DNHD1: variants seen among roughly 807,000 people sequenced by gnomAD.
DNHD1 encodes the protein dynein heavy chain domain 1, also known as dynein heavy chain domain-containing protein 1.
DNHD1 carries 383 observed loss-of-function variants against 458.1 expected under a neutral mutation model. The observed-to-expected ratio is 0.84, with a 90% CI of 0.77 to 0.91. The LOEUF (loss-of-function observed/expected upper bound fraction) is 0.91, where lower values mean the gene tolerates loss of function less well. Ranked by LOEUF, DNHD1 falls within the 40% of genes least tolerant of loss-of-function variation. DNHD1 has a pLI of 0.00. For synonymous variants in DNHD1, 2,203 were observed against 2,376.9 expected (o/e 0.93, Z 2.13); for missense variants, 5,336 against 5,866.1 (o/e 0.91, Z 2.95).
At chr11:6,540,137 A>G in intron 18 of DNHD1, 54 bp downstream of exon 18, 1 of 1,456,210 alleles carries the variant, frequency 6.9e-7, no homozygotes, top group Non-Finnish European at 9.4e-7. Flanking sequence ...GGCCATTTTC[A>G]TCCACCATAT....
chr11:6,527,188 G>A (rs1852726697), intron 10 of DNHD1, among the ~76,000 whole-genome samples: 1 of 152,136 alleles, frequency 6.6e-6, no homozygotes, highest in South Asian at 2.1e-4. Flanking sequence ...AATCCCTTCT[G>A]GCATTTTTTT....
intron 32 of DNHD1, 22 bp from the exon 33 acceptor site, chr11:6,565,673 C>T: frequency 6.5e-7 from 1 of 1,530,830 alleles, no homozygotes; most frequent in Non-Finnish European, 8.8e-7. Flanking sequence ...AAGAAGAGCT[C>T]CTCTGAATCT....
chr11:6,549,084 T>G, intron 24 of DNHD1, 151 bp downstream of exon 24: 1 of 845,214 alleles, frequency 1.2e-6, no homozygotes, highest in Non-Finnish European at 1.8e-6. Context: ...ATATGCTCCC[T>G]GAACAATCCC....
Position 6,556,772 on chromosome 11 carries a change from A to G in DNHD1, c.7477A>G (p.Thr2493Ala), listed in dbSNP as rs1020572977. Residue 2493 changes from threonine (T) to alanine (A), a missense_variant, in exon 25 of 43, where the codon ACG (threonine) becomes GCG (alanine). Coordinates refer to ENST00000254579, the MANE Select transcript of DNHD1 (RefSeq NM_144666.3). Reference sequence around the variant, plus strand: ...TGCCCACAGCACCTTGGAACTGCAGACGCTGCAGCCTACAGTCAACTTCCT... The same window carrying G: ...TGCCCACAGCACCTTGGAACTGCAGGCGCTGCAGCCTACAGTCAACTTCCT... ...VYAHSTLELQTLQPTVNFLAT... is the reference protein window; with the variant it reads ...VYAHSTLELQALQPTVNFLAT... The G allele has an allele frequency of 5.7e-5, 88 of 1,551,612 alleles. No individual in the cohort carries two copies. Among genetic ancestry groups the G allele is most frequent in the East Asian group, 9.8e-5 (4 of 40,914 alleles).
At chr11:6,501,954 A>T (rs2134364255) in intron 3 of DNHD1, among the ~76,000 whole-genome samples, 1 of 152,346 alleles carries the variant, frequency 6.6e-6, no homozygotes, top group South Asian at 2.1e-4. Context: ...TTGCACTGTT[A>T]TCCCTGGGGA....
intron 10 of DNHD1, chr11:6,520,904 A>T: frequency 1.1e-6 from 1 of 898,220 alleles, no homozygotes; most frequent in Non-Finnish European, 1.3e-6. Context: ...TTCCTCATTC[A>T]ACTTCTATCT....
chr11:6,571,631 C>A lies in DNHD1; in HGVS notation c.13912-5C>A. Reference sequence around the variant, plus strand: ...CCTTGCCTGACCAGCTTCTGACGCCCCCAGGTGGAGAATGGTCCAAATCCC... The same window carrying A: ...CCTTGCCTGACCAGCTTCTGACGCCACCAGGTGGAGAATGGTCCAAATCCC... On this transcript the variant is annotated splice_polypyrimidine_tract_variant and splice_region_variant and intron_variant, in intron 42 of 42. Coordinates refer to ENST00000254579, the MANE Select transcript of DNHD1 (RefSeq NM_144666.3). This position sits in a 1 kb window ranked among gnomAD's most constrained non-coding sequence, Gnocchi z 5.0. The A allele has an allele frequency of 6.4e-7, 1 of 1,561,472 alleles. No individual in the cohort carries two copies. Among genetic ancestry groups the A allele is most frequent in the East Asian group, 2.3e-5 (1 of 43,184 alleles).
Position 6,545,119 on chromosome 11 carries a change from G to T in DNHD1, c.4180G>T (p.Val1394Leu). 1 of 1,552,150 alleles carries T rather than the reference G, an allele frequency of 6.4e-7. No individual in the cohort carries two copies. Among genetic ancestry groups the T allele is most frequent in the East Asian group, 2.4e-5 (1 of 40,924 alleles). Residue 1394 changes from valine (V) to leucine (L), a missense_variant, in exon 21 of 43, where the codon GTG becomes TTG. Physicochemically the swap from Val to Leu is conservative, Grantham distance 32. This residue lies in a region of DNHD1 where 3,932 missense variants were observed against 4,365.6 expected (regional missense o/e 0.90). Transcript: ENST00000254579. The surrounding 1 kb of genome is among the most constrained non-coding windows in gnomAD (Gnocchi z 4.9). Reference sequence around the variant, plus strand: ...ACGCTGCTTTCCTCATGTGCATGCTGTGAGCTTCAGGTCTTGCCCAACTGG... The same window carrying T: ...ACGCTGCTTTCCTCATGTGCATGCTTTGAGCTTCAGGTCTTGCCCAACTGG... ...VRRCFPHVHA[V>L]SFRSCPTGEK...
chr11:6,543,958 C>CAAAAAAAAAA (rs34739231), intron 18 of DNHD1, among the ~76,000 whole-genome samples, 163 bp from the exon 19 acceptor site: 1 of 74,000 alleles, frequency 1.4e-5, no homozygotes, highest in Non-Finnish European at 2.3e-5. Context: ...GACTCTGTCT[C>CAAAAAAAAAA]AAAAAAAAAA....
At position 6,530,349 on chromosome 11, in the gene DNHD1, T is replaced by G. The variant is rs970521247; in HGVS notation, c.2347+1228T>G. On this transcript the variant is annotated intron_variant, in intron 12 of 42. Coordinates refer to ENST00000254579, the MANE Select transcript of DNHD1 (RefSeq NM_144666.3). The stretch of plus-strand genomic sequence containing the variant: ...TGGCTTATGACCTAGTCTTTTACCC[T>G]CTTTTCTTTCTTCCTTCCCATGGGA... Among the ~76,000 whole-genome samples, 7 of 152,288 alleles carry G rather than the reference T, an allele frequency of 4.6e-5. No individual in the cohort carries two copies. In the East Asian group the frequency reaches 1.4e-3, roughly 29 times the overall value.
rs528077144 is a variant in DNHD1 at position 6,545,984 on chromosome 11, G to A, written c.5045G>A (p.Cys1682Tyr). 2 of 1,551,792 alleles carry A rather than the reference G, an allele frequency of 1.3e-6. No individual in the cohort carries two copies. Among genetic ancestry groups the A allele is most frequent in the East Asian group, 2.4e-5 (1 of 40,924 alleles). ...VLLLALEEVACGTVLGPNGVG... is the reference protein window; with the variant it reads ...VLLLALEEVAYGTVLGPNGVG... ...TTATTGGCCCTAGAGGAGGTGGCCT[G>A]TGGGACCGTACTGGGTCCTAATGGT... Residue 1682 changes from cysteine (C) to tyrosine (Y), a missense_variant, in exon 21 of 43, where the codon TGT becomes TAT. Physicochemically the swap from Cys to Tyr is radical, Grantham distance 194 (BLOSUM62 -2). Around this residue, in one of 4 missense-constraint regions of DNHD1, gnomAD observed 3,932 missense variants for 4,365.6 expected, o/e 0.90. Transcript: ENST00000254579. This position sits in a 1 kb window ranked among gnomAD's most constrained non-coding sequence, Gnocchi z 4.9.
At position 6,511,387 on chromosome 11, in the gene DNHD1, G is replaced by C. The variant is rs765122128; in HGVS notation, c.1350G>C (p.Leu450=). ...AGGAGAAGCATAAGGCTCTACGGCT[G>C]CTCCATCGTTGCCTAAACCTCTGCA... The part of the protein sequence containing the change: ...LAEEKHKALR[L]LHRCLNLCTS... The change falls in exon 7 of 43, where the codon CTG becomes CTC. Residue 450 remains leucine, a synonymous_variant. Transcript: ENST00000254579. 1.4e-5 allele frequency: 22 copies of C among 1,614,116 alleles called. No homozygotes were observed. The Admixed American group carries it at 3.5e-4, about 26-fold the overall frequency.
intron 3 of DNHD1, among the ~76,000 whole-genome samples, chr11:6,500,051 G>C (rs1420093228): frequency 6.6e-6 from 1 of 150,676 alleles, no homozygotes; most frequent in Non-Finnish European, 1.5e-5. Flanking sequence ...TGCAACCTCT[G>C]CCTCACAGGT....
In DNHD1 at chr11:6,556,339, C is replaced by T. The variant is rs75731254; in HGVS notation, c.7388-344C>T. ...GTATTCTCTTTGACTGAAATGATTG[C>T]GCTTTCCTGCTAATTGTGATCGATC... On this transcript the variant is annotated intron_variant, in intron 24 of 42. Coordinates refer to ENST00000254579, the MANE Select transcript of DNHD1 (RefSeq NM_144666.3). Among the ~76,000 whole-genome samples, 619 of 152,262 alleles carry T rather than the reference C, an allele frequency of 4.1e-3. 1 individual carries two copies. The highest frequency in any genetic ancestry group is 0.016 in the South Asian group (76 of 4,812).
At chr11:6,520,546 C>A in intron 10 of DNHD1, 2 of 1,310,558 alleles carry the variant, frequency 1.5e-6, no homozygotes, top group Admixed American at 3.2e-5. Context: ...GTACATTGTC[C>A]TTCCAAACCT....
Position 6,557,048 on chromosome 11 carries a change from C to G in DNHD1, c.7753C>G (p.Pro2585Ala). The change falls in exon 25 of 43, where the codon CCA becomes GCA. Residue 2585 changes from proline to alanine, a missense_variant. Coordinates refer to ENST00000254579, the MANE Select transcript of DNHD1 (RefSeq NM_144666.3). ...TTGCTTCATGCCTTCACCCCTCCAC[C>G]CACACTACCACTTCTCCCTACACTC... Reference protein sequence around the residue: ...CNCFMPSPLHPHYHFSLHSVS... With the variant: ...CNCFMPSPLHAHYHFSLHSVS... 6.4e-7 allele frequency: 1 copy of G among 1,551,618 alleles called. No individual in the cohort carries two copies. Among genetic ancestry groups the G allele is most frequent in the Admixed American group, 2.0e-5 (1 of 51,002 alleles).
At chr11:6,561,238 C>T (rs1380903667) in intron 28 of DNHD1, among the ~76,000 whole-genome samples, 1 of 152,154 alleles carries the variant, frequency 6.6e-6, no homozygotes, top group Non-Finnish European at 1.5e-5. Context: ...GAGTTCAAGA[C>T]CAGCCTGGGC....
At chr11:6,535,642 T>C (rs1276721909) in intron 14 of DNHD1, among the ~76,000 whole-genome samples, 3 of 152,198 alleles carry the variant, frequency 2.0e-5, no homozygotes, top group Admixed American at 6.5e-5. Flanking sequence ...TTCTAAGCTA[T>C]TGAAGTAAAG....
rs1386830106 is a variant in DNHD1 at position 6,547,947 on chromosome 11, A to G, written c.6812A>G (p.Asp2271Gly). Residue 2271 changes from aspartate to glycine, a missense_variant, in exon 22 of 43, where the codon GAC becomes GGC. By Grantham distance (94) the Asp-to-Gly change is moderately conservative. This residue lies in a region of DNHD1 where 3,932 missense variants were observed against 4,365.6 expected (regional missense o/e 0.90). Coordinates refer to ENST00000254579, the MANE Select transcript of DNHD1 (RefSeq NM_144666.3). ...SFLNRSQVDS[D>G]DVPDKCREHL... ...CTAAACCGGTCCCAGGTTGACAGTG[A>G]CGATGTGCCAGATAAGTGCAGGGAA... 1.5e-5 allele frequency: 23 copies of G among 1,551,782 alleles called. No homozygotes were observed. The highest frequency in any genetic ancestry group is 2.0e-5 in the Non-Finnish European group (23 of 1,147,054).
Sources: allele counts gnomAD v4.1 joint callset (sites outside exome capture counted in the v4.1 genomes callset), GRCh38; gene constraint gnomAD v4.1.1; regional missense constraint gnomAD v4.1.1; non-coding constraint Gnocchi (gnomAD v3.1); transcripts MANE v1.5; gene names NCBI Gene and HGNC (gene_info 2026-07-23, HGNC 2026-07-21).